CDKL1: variants seen among roughly 807,000 people sequenced by gnomAD.
CDKL1 encodes the protein cyclin-dependent kinase-like 1.
CDKL1 carries 41 observed loss-of-function variants against 42.0 expected under a neutral mutation model. The ratio of observed to expected loss-of-function variants is 0.98; its 90% CI spans 0.76 to 1.27. CDKL1 has a LOEUF of 1.27. Ranked by LOEUF, CDKL1 falls within the 50% of genes most tolerant of loss-of-function variation. The probability of loss-of-function intolerance (pLI) is 0.00; values close to 1 mark genes in which losing one functional copy is unlikely to be tolerated. For synonymous variants in CDKL1, 153 were observed against 158.6 expected (o/e 0.96, Z 0.26); for missense variants, 394 against 428.4 (o/e 0.92, Z 0.71).
In CDKL1 at chr14:50,395,843, T is replaced by G. The variant is rs1295816474; in HGVS notation, c.26A>C (p.Lys9Thr). 3.7e-6 allele frequency: 6 copies of G among 1,611,896 alleles called. No individual in the cohort carries two copies. Among genetic ancestry groups the G allele is most frequent in the Non-Finnish European group, 5.1e-6 (6 of 1,177,990 alleles). ...AACTCCATAGGATCCTTCTCCAATT[T>G]TCCCAATTTTTTCATACTTCTCCAT... MEKYEKIGKIGEGSYGVVF... is the reference protein window; with the variant it reads MEKYEKIGTIGEGSYGVVF... The change falls in exon 2 of 10, where the codon AAA (lysine) becomes ACA (threonine). Residue 9 changes from lysine (K) to threonine (T), a missense_variant. Lys to Thr is a moderately conservative substitution (Grantham distance 78, BLOSUM62 -1). Coordinates refer to ENST00000395834, the MANE Select transcript of CDKL1 (RefSeq NM_004196.7).
At chr14:50,334,838 C>G in intron 7 of CDKL1, 1 of 513,982 alleles carries the variant, frequency 1.9e-6, no homozygotes, top group Non-Finnish European at 3.4e-6. Context: ...TTCGTAACTA[C>G]TCCCTTAACT....
intron 2 of CDKL1, among the ~76,000 whole-genome samples, chr14:50,367,773 G>A (rs2139478831): frequency 6.6e-6 from 1 of 152,260 alleles, no homozygotes; most frequent in South Asian, 2.1e-4. Flanking sequence ...GGCTAATCTT[G>A]AAGCTCTTGG....
chr14:50,371,836 T>C (rs2034599429), intron 2 of CDKL1, among the ~76,000 whole-genome samples: 3 of 152,244 alleles, frequency 2.0e-5, no homozygotes, highest in African/African-American at 7.2e-5. Context: ...GTGCCATGCC[T>C]GCTCCTACTG....
intron 3 of CDKL1, 30 bp from the exon 4 acceptor site, chr14:50,345,088 T>A: frequency 6.3e-7 from 1 of 1,596,116 alleles, no homozygotes. Flanking sequence ...ACAAACACAT[T>A]CTTTAGTGTA....
intron 3 of CDKL1, among the ~76,000 whole-genome samples, chr14:50,356,140 C>G (rs1233694799): frequency 6.6e-6 from 1 of 152,226 alleles, no homozygotes; most frequent in Non-Finnish European, 1.5e-5. Context: ...GTAACCCAAC[C>G]TGGCAACACC....
At chr14:50,363,283 C>T (rs986014105) in intron 2 of CDKL1, 4 of 188,242 alleles carry the variant, frequency 2.1e-5, no homozygotes, top group Non-Finnish European at 3.4e-5. Flanking sequence ...ATTCCAGACA[C>T]GTTTGGATCT....
chr14:50,366,484 G>A (rs769987596), intron 2 of CDKL1, among the ~76,000 whole-genome samples: 52 of 152,162 alleles, frequency 3.4e-4, no homozygotes, highest in South Asian at 8.3e-4. Context: ...TGCAGGCCAC[G>A]CTAAGCAATT....
chr14:50,392,697 C>T (rs2035295090), intron 2 of CDKL1, among the ~76,000 whole-genome samples: 1 of 152,070 alleles, frequency 6.6e-6, no homozygotes, highest in Admixed American at 6.6e-5. Context: ...CCAACTCTGT[C>T]TCCAACCTGG....
intron 2 of CDKL1, 28 bp downstream of exon 2, chr14:50,395,672 AG>A (rs1259234951): frequency 5.9e-6 from 9 of 1,518,454 alleles, no homozygotes. Context: ...GTCTCGAAAA[AG>A]AAAAAAAAGG....
rs753022007 is a variant in CDKL1, at chr14:50,390,276, C to T, written c.168+5425G>A. 3.7e-6 allele frequency: 5 copies of T among 1,366,446 alleles called. No homozygotes were observed. In the East Asian group the frequency reaches 1.8e-4, roughly 50 times the overall value. 84.6% of individuals were successfully genotyped at this position (1,366,446 alleles called of 1,614,324 possible). ...AATATATTTTAACGCCCCCATACCA[C>T]CTGCCATAGGTAGAACGTCTGCCCA... On this transcript the variant is annotated intron_variant, in intron 2 of 9. Coordinates refer to ENST00000395834, the MANE Select transcript of CDKL1 (RefSeq NM_004196.7).
intron 2 of CDKL1, chr14:50,378,167 C>T: frequency 7.3e-7 from 1 of 1,366,008 alleles, no homozygotes; most frequent in Non-Finnish European, 9.8e-7. Flanking sequence ...AGGTTAGCTG[C>T]TTCCTTTACC....
intron 4 of CDKL1, chr14:50,342,571 T>G (rs1247413625): frequency 6.6e-6 from 2 of 303,486 alleles, no homozygotes; most frequent in Non-Finnish European, 1.1e-5. Context: ...TGGGATGTAC[T>G]TATACTAAAA....
chr14:50,376,123 T>C (rs762530316), intron 2 of CDKL1, among the ~76,000 whole-genome samples: 22 of 152,086 alleles, frequency 1.4e-4, no homozygotes, highest in Non-Finnish European at 2.2e-4. Flanking sequence ...ATTAAAGAAA[T>C]GCAAATAAAG....
chr14:50,359,806 A>AAC (rs1323965400), intron 2 of CDKL1, among the ~76,000 whole-genome samples: 3 of 151,306 alleles, frequency 2.0e-5, no homozygotes, highest in Non-Finnish European at 4.4e-5. Context: ...TTAAAAAAAA[A>AAC]AAAAAAAAAA....
chr14:50,396,691 C>G, intron 1 of CDKL1, 133 bp downstream of exon 1: 1 of 158,830 alleles, frequency 6.3e-6, no homozygotes, highest in African/African-American at 2.4e-5. Flanking sequence ...ACCCGCGCCC[C>G]GCGCCCCACG....
intron 2 of CDKL1, among the ~76,000 whole-genome samples, chr14:50,386,911 C>G (rs1014626824): frequency 6.6e-6 from 1 of 152,014 alleles, no homozygotes; most frequent in African/African-American, 2.4e-5. Context: ...CCTATAATCC[C>G]AGCTGCTCAA....
At chr14:50,349,109 A>G (rs962508005) in intron 3 of CDKL1, among the ~76,000 whole-genome samples, 69 of 152,248 alleles carry the variant, frequency 4.5e-4, no homozygotes, top group Non-Finnish European at 2.8e-4. Context: ...AAAAACACTG[A>G]GCACAAAGAG....
intron 3 of CDKL1, among the ~76,000 whole-genome samples, chr14:50,355,073 G>A (rs1267139112): frequency 2.0e-5 from 3 of 150,810 alleles, no homozygotes; most frequent in African/African-American, 7.3e-5. Flanking sequence ...TTTTTCATTT[G>A]ACAACTATTC....
rs867766833 is a variant in CDKL1, at chr14:50,378,178, T to C, written c.168+17523A>G. 12 of 1,366,328 alleles carry C rather than the reference T, an allele frequency of 8.8e-6. No homozygotes were observed. The Middle Eastern group carries it at 1.3e-3, about 143-fold the overall frequency. 84.6% of individuals were successfully genotyped at this position (1,366,328 alleles called of 1,614,324 possible). The stretch of plus-strand genomic sequence containing the variant: ...CTGTAGGTTAGCTGCTTCCTTTACC[T>C]GCAGACCTTAAAAATCCCTCACATG... On this transcript the variant is annotated intron_variant, in intron 2 of 9. Transcript: ENST00000395834.
Sources: allele counts gnomAD v4.1 joint callset (sites outside exome capture counted in the v4.1 genomes callset), GRCh38; gene constraint gnomAD v4.1.1; transcripts MANE v1.5; gene names NCBI Gene and HGNC (gene_info 2026-07-23, HGNC 2026-07-21).